Variants in PPDPFL observed in about 807,000 individuals in gnomAD.
The protein encoded by PPDPFL is pancreatic progenitor cell differentiation and proliferation factor-like protein.
Under a neutral mutation model 12.6 loss-of-function variants are expected in PPDPFL, and 12 were observed. That is an observed-to-expected ratio of 0.95 (90% CI 0.61 to 1.54). PPDPFL has a LOEUF of 1.54. PPDPFL is among the 40% of genes most tolerant of loss of function. The pLI, the probability that PPDPFL is intolerant of heterozygous loss-of-function variation, is 0.00. For synonymous variants in PPDPFL, 24 were observed against 32.7 expected, an observed-to-expected ratio of 0.73 and a Z score of 0.91; for missense variants, 114 against 96.0, an observed-to-expected ratio of 1.19 and a Z score of -0.78.
upstream of PPDPFL, among the ~76,000 whole-genome samples, chr8:49,071,663 G>GA (rs906094623): frequency 4.3e-4 from 59 of 138,704 alleles, no homozygotes; most frequent in East Asian, 8.4e-4. Flanking sequence ...CTCAGGAAAA[G>GA]AAAAAAAAAA....
upstream of PPDPFL, among the ~76,000 whole-genome samples, chr8:49,071,270 A>G (rs1460648089): frequency 6.6e-6 from 1 of 152,244 alleles, no homozygotes; most frequent in African/African-American, 2.4e-5. Flanking sequence ...TACACAACCA[A>G]TAGCCACTGA....
chr8:49,074,338 GT>G lies in PPDPFL; in HGVS notation c.233+9del. 2 of 1,613,086 alleles carry G rather than the reference GT, an allele frequency of 1.2e-6. No individual in the cohort carries two copies. The highest frequency in any genetic ancestry group is 1.7e-6 in the Non-Finnish European group (2 of 1,179,064). ...AAAAGATCTGTCTGCTACTGGGTGA[GT>G]TTTAGCCTTCTCTGGTAAGGGCAGT... On this transcript the variant is annotated splice_donor_region_variant and intron_variant, in intron 4 of 4. Transcript: ENST00000522267.
chr8:49,056,318 A>G (rs1399393862), intron 1 of PPDPFL, among the ~76,000 whole-genome samples: 2 of 152,088 alleles, frequency 1.3e-5, no homozygotes, highest in Non-Finnish European at 2.9e-5. Flanking sequence ...CATTGATATT[A>G]TGTTTGAATT....
intron 1 of PPDPFL, among the ~76,000 whole-genome samples, chr8:49,059,641 G>C (rs1326583024): frequency 1.4e-4 from 21 of 152,142 alleles, no homozygotes; most frequent in Admixed American, 1.3e-3. Context: ...ATGTTTTTGT[G>C]ATTGAGTGTA....
At chr8:49,074,918 A>G (rs1585677527) in intron 4 of PPDPFL, 3 of 1,382,436 alleles carry the variant, frequency 2.2e-6, no homozygotes, top group South Asian at 3.2e-5. Context: ...AAAGGGATTC[A>G]TAGATGCCAA....
chr8:49,065,079 A>G (rs991816344), intron 1 of PPDPFL, among the ~76,000 whole-genome samples: 3 of 152,220 alleles, frequency 2.0e-5, no homozygotes, highest in Non-Finnish European at 4.4e-5. Flanking sequence ...ATGTGGCTTG[A>G]GCCAGTTATG....
intron 1 of PPDPFL, among the ~76,000 whole-genome samples, chr8:49,055,951 G>A (rs969469729): frequency 3.9e-5 from 6 of 151,932 alleles, no homozygotes; most frequent in Admixed American, 2.0e-4. Context: ...TTTTGTTATC[G>A]CTCTCATGGA....
chr8:49,069,389 C>T (rs1238552593), upstream of PPDPFL, among the ~76,000 whole-genome samples: 2 of 152,168 alleles, frequency 1.3e-5, no homozygotes, highest in Non-Finnish European at 2.9e-5. Flanking sequence ...AAAGCCACTT[C>T]CATAGACTAC....
chr8:49,059,388 T>C (rs2129243645), intron 1 of PPDPFL, among the ~76,000 whole-genome samples: 1 of 152,232 alleles, frequency 6.6e-6, no homozygotes, highest in Admixed American at 6.5e-5. Flanking sequence ...AGTCTAGAAA[T>C]ACTAAAACCT....
intron 1 of PPDPFL, among the ~76,000 whole-genome samples, chr8:49,065,088 T>C (rs1808273724): frequency 6.6e-6 from 1 of 152,210 alleles, no homozygotes; most frequent in South Asian, 2.1e-4. Flanking sequence ...GAGCCAGTTA[T>C]GTTCATTTAG....
At chr8:49,074,738 G>A (rs1808461065) in intron 4 of PPDPFL, 1 of 1,448,674 alleles carries the variant, frequency 6.9e-7, no homozygotes, top group Non-Finnish European at 9.0e-7. Flanking sequence ...TCTGTGTGGT[G>A]CAAATTACTA....
At chr8:49,062,955 C>A (rs958418723) in intron 1 of PPDPFL, among the ~76,000 whole-genome samples, 1 of 152,132 alleles carries the variant, frequency 6.6e-6, no homozygotes, top group Non-Finnish European at 1.5e-5. Flanking sequence ...TCCTGTAACA[C>A]CACGGGAAGT....
intron 1 of PPDPFL, among the ~76,000 whole-genome samples, chr8:49,065,270 G>A (rs1265998103): frequency 4.6e-5 from 7 of 152,230 alleles, no homozygotes; most frequent in Non-Finnish European, 1.0e-4. Flanking sequence ...CATTGAGGCT[G>A]AGGTGGAAAT....
chr8:49,074,808 C>G (rs1163107279), intron 4 of PPDPFL: 2 of 1,419,476 alleles, frequency 1.4e-6, no homozygotes, highest in African/African-American at 2.9e-5. Context: ...CTCAAACACA[C>G]TGACTAGCAC....
At chr8:49,058,686 C>T (rs567650959) in intron 1 of PPDPFL, among the ~76,000 whole-genome samples, 52 of 152,300 alleles carry the variant, frequency 3.4e-4, no homozygotes, top group Non-Finnish European at 2.8e-4. Flanking sequence ...TTTATAATTT[C>T]ATCAAGAAAG....
intron 1 of PPDPFL, among the ~76,000 whole-genome samples, chr8:49,060,551 G>A (rs1454054590): frequency 6.6e-6 from 1 of 152,148 alleles, no homozygotes; most frequent in Non-Finnish European, 1.5e-5. Context: ...GACCTCAGGT[G>A]ATCTGCCCAC....
upstream of PPDPFL, among the ~76,000 whole-genome samples, chr8:49,068,829 T>C (rs2129245223): frequency 6.6e-6 from 1 of 152,284 alleles, no homozygotes; most frequent in Admixed American, 6.5e-5. Flanking sequence ...TACATGTGGC[T>C]GAGACATAAA....
chr8:49,075,390 G>C lies in PPDPFL; in HGVS notation c.*217G>C, dbSNP rs1422285479. The C allele has an allele frequency of 8.5e-5, 82 of 968,442 alleles. No individual in the cohort carries two copies. The highest frequency in any genetic ancestry group is 2.7e-4 in the Middle Eastern group (1 of 3,744). The allele number at this position is 968,442 out of a possible 1,614,324, so 60.0% of individuals were successfully genotyped here. ...ATCTCATTTATGAGACAAGATCACA[G>C]CAGCCACTGATATAAAAAAAGTTTA... On this transcript the variant is annotated 3_prime_UTR_variant, in exon 5 of 5. Coordinates refer to ENST00000522267, the MANE Select transcript of PPDPFL (RefSeq NM_001256597.2).
intron 2 of PPDPFL, among the ~76,000 whole-genome samples, 197 bp downstream of exon 2, chr8:49,073,082 A>G (rs1183553056): frequency 6.6e-6 from 1 of 152,240 alleles, no homozygotes; most frequent in East Asian, 1.9e-4. Flanking sequence ...GCTACGCTGT[A>G]TCGTTGAAGC....
Sources: allele counts gnomAD v4.1 joint callset (sites outside exome capture counted in the v4.1 genomes callset), GRCh38; gene constraint gnomAD v4.1.1; transcripts MANE v1.5; gene names NCBI Gene and HGNC (gene_info 2026-07-23, HGNC 2026-07-21).